EBF1: variants seen among roughly 807,000 people sequenced by gnomAD.
EBF1 encodes the protein transcription factor COE1.
Under a neutral mutation model 68.4 loss-of-function variants are expected in EBF1, and 10 were observed. The ratio of observed to expected loss-of-function variants is 0.15; its 90% CI spans 0.09 to 0.25. EBF1 has a LOEUF of 0.25. EBF1 is among the 10% of genes least tolerant of loss of function. The pLI, the probability that EBF1 is intolerant of heterozygous loss-of-function variation, is 1.00. For synonymous variants in EBF1, 298 were observed against 299.8 expected (o/e 0.99, Z 0.06); for missense variants, 509 against 794.4 (o/e 0.64, Z 4.32).
In EBF1 at chr5:158,722,582, T is replaced by C. The variant is rs558555328; in HGVS notation, c.1126-8400A>G. On this transcript the variant is annotated intron_variant, in intron 11 of 15. Coordinates refer to ENST00000313708, the MANE Select transcript of EBF1 (RefSeq NM_024007.5). ...TTGAGTGACACGTTCCCATACTATA[T>C]AGATACATAAGGGAGGCAAAAATAT... Among the ~76,000 whole-genome samples the C allele has an allele frequency of 5.3e-5, 8 of 152,364 alleles. No homozygotes were observed. The South Asian group carries it at 1.7e-3, about 32-fold the overall frequency.
chr5:158,778,844 C>T (rs1258116693), intron 9 of EBF1, among the ~76,000 whole-genome samples: 1 of 152,106 alleles, frequency 6.6e-6, no homozygotes, highest in African/African-American at 2.4e-5. Flanking sequence ...TATAAAAAAG[C>T]CCTAAATGAC....
chr5:158,921,775 G>A (rs889212560), intron 6 of EBF1, among the ~76,000 whole-genome samples: 1 of 152,160 alleles, frequency 6.6e-6, no homozygotes, highest in Non-Finnish European at 1.5e-5. Flanking sequence ...CTTCAACACC[G>A]CAAGCCCAAT....
In EBF1 at chr5:159,073,644, A is replaced by T. The variant is rs79737576; in HGVS notation, c.486-180T>A. The T allele has an allele frequency of 3.4e-3, 2,091 of 613,272 alleles. 28 individuals are homozygous for T. In the African/African-American group the frequency reaches 0.035, roughly 10 times the overall value. The allele number at this position is 613,272 out of a possible 1,614,324, so 38.0% of individuals were successfully genotyped here. On this transcript the variant is annotated intron_variant, in intron 5 of 15. Transcript: ENST00000313708. Reference sequence around the variant, plus strand: ...TTGGGTCACCTATGGGTTAATGGCCAGGCTTAACCTCTCCCTGCTCAAAGA... The same window carrying T: ...TTGGGTCACCTATGGGTTAATGGCCTGGCTTAACCTCTCCCTGCTCAAAGA...
chr5:158,943,106 A>T (rs1813835242), intron 6 of EBF1, among the ~76,000 whole-genome samples: 1 of 151,980 alleles, frequency 6.6e-6, no homozygotes, highest in Non-Finnish European at 1.5e-5. Flanking sequence ...TCAGGTGACT[A>T]GAAAGACTGA....
At chr5:158,911,964 G>A (rs17626412) in intron 6 of EBF1, among the ~76,000 whole-genome samples, 5,622 of 152,258 alleles carry the variant, frequency 0.037, 123 homozygotes, top group Non-Finnish European at 0.054. Context: ...ATTTCCATGT[G>A]CTTTCACAGA....
chr5:159,005,631 G>A (rs1051959756), intron 6 of EBF1, among the ~76,000 whole-genome samples: 1 of 152,094 alleles, frequency 6.6e-6, no homozygotes, highest in African/African-American at 2.4e-5. Context: ...AAATATCAGA[G>A]TTGTACATGC....
intron 4 of EBF1, among the ~76,000 whole-genome samples, chr5:159,089,168 C>T (rs1321122652): frequency 6.6e-6 from 1 of 152,080 alleles, no homozygotes; most frequent in African/African-American, 2.4e-5. Flanking sequence ...ACTCTCTTCA[C>T]TTCAGATTAA....
chr5:158,776,593 C>T (rs1775314537), intron 10 of EBF1, among the ~76,000 whole-genome samples: 1 of 152,116 alleles, frequency 6.6e-6, no homozygotes, highest in African/African-American at 2.4e-5. Flanking sequence ...AGACAGCTAC[C>T]ACTATCCAAG....
At chr5:158,836,378 GACAA>G (rs34550684) in intron 7 of EBF1, among the ~76,000 whole-genome samples, 2,357 of 152,094 alleles carry the variant, frequency 0.015, 56 homozygotes, top group African/African-American at 0.054. Context: ...ATTTACAGAA[GACAA>G]ACAAACAGCA....
chr5:159,051,352 G>GC (rs1773637026), intron 6 of EBF1, among the ~76,000 whole-genome samples: 1 of 35,044 alleles, frequency 2.9e-5, no homozygotes, highest in African/African-American at 1.2e-4. Context: ...CCCCTCCCCA[G>GC]CCCCCCAAAC....
intron 11 of EBF1, 132 bp from the exon 12 acceptor site, chr5:158,714,314 C>A: frequency 1.1e-6 from 1 of 943,326 alleles, no homozygotes; most frequent in South Asian, 1.4e-5. Context: ...CTTGGGGAAC[C>A]CCAGAAGGGT....
intron 11 of EBF1, among the ~76,000 whole-genome samples, chr5:158,718,561 A>C (rs1761246258): frequency 6.6e-6 from 1 of 152,116 alleles, no homozygotes; most frequent in East Asian, 1.9e-4. Flanking sequence ...AACTCATTCA[A>C]CCTTCATAGA....
At chr5:158,846,290 C>A (rs1333172066) in intron 6 of EBF1, among the ~76,000 whole-genome samples, 1 of 152,146 alleles carries the variant, frequency 6.6e-6, no homozygotes, top group African/African-American at 2.4e-5. Context: ...ATTAAAAGGA[C>A]CTCTTTGGAA....
At chr5:158,991,412 T>C (rs1405356224) in intron 6 of EBF1, among the ~76,000 whole-genome samples, 3 of 152,248 alleles carry the variant, frequency 2.0e-5, no homozygotes, top group Non-Finnish European at 2.9e-5. Flanking sequence ...CAAATTTATT[T>C]TTTAAATTAA....
At chr5:158,701,202 T>C (rs1756693122) in intron 15 of EBF1, among the ~76,000 whole-genome samples, 1 of 152,112 alleles carries the variant, frequency 6.6e-6, no homozygotes, top group South Asian at 2.1e-4. Flanking sequence ...AAATCTATTC[T>C]GCGTGCCTGG....
At chr5:158,733,227 C>A (rs922705436) in intron 10 of EBF1, among the ~76,000 whole-genome samples, 11 of 152,030 alleles carry the variant, frequency 7.2e-5, no homozygotes, top group African/African-American at 1.4e-4. Context: ...AAATGTTTAA[C>A]CATAAATAGT....
chr5:158,943,032 A>C, intron 6 of EBF1, among the ~76,000 whole-genome samples: 2 of 102,110 alleles, frequency 2.0e-5, no homozygotes, highest in African/African-American at 3.9e-5. Flanking sequence ...GGAGGGGGGA[A>C]GGAATGAAGG....
rs76473062 is a variant in EBF1 at position 159,078,500 on chromosome 5, G to A, written c.486-5036C>T. Among the ~76,000 whole-genome samples, 925 of 152,282 alleles carry A rather than the reference G, an allele frequency of 6.1e-3. 9 individuals carry two copies. Among genetic ancestry groups the A allele is most frequent in the African/African-American group, 0.017 (711 of 41,544 alleles). ...CTGTGTGACTGATGGACCTTCATCC[G>A]TTCAAAGCACTATTTTTTAGGCTCC... On this transcript the variant is annotated intron_variant, in intron 5 of 15. Coordinates refer to ENST00000313708, the MANE Select transcript of EBF1 (RefSeq NM_024007.5).
intron 10 of EBF1, among the ~76,000 whole-genome samples, chr5:158,775,433 G>A (rs931593782): frequency 3.3e-5 from 5 of 152,066 alleles, no homozygotes; most frequent in African/African-American, 9.6e-5. Flanking sequence ...TCACCAAAGC[G>A]GAAACCATGC....
Sources: allele counts gnomAD v4.1 joint callset (sites outside exome capture counted in the v4.1 genomes callset), GRCh38; gene constraint gnomAD v4.1.1; transcripts MANE v1.5; gene names NCBI Gene and HGNC (gene_info 2026-07-23, HGNC 2026-07-21).